Variants in M1AP observed in about 807,000 individuals in gnomAD.
M1AP encodes the protein meiosis 1 associated protein, also known as meiosis 1 arrest protein.
Under a neutral mutation model 51.2 loss-of-function variants are expected in M1AP, and 39 were observed. That is an observed-to-expected ratio of 0.76 (90% CI 0.59 to 1.00). M1AP has a LOEUF of 1.00. M1AP is among the 50% of genes least tolerant of loss of function. The pLI, the probability that M1AP is intolerant of heterozygous loss-of-function variation, is 0.00. For missense variants in M1AP, 545 were observed against 641.2 expected (o/e 0.85, Z 1.62); for synonymous variants, 251 against 249.2 (o/e 1.01, Z -0.07).
intron 7 of M1AP, among the ~76,000 whole-genome samples, chr2:74,572,694 T>A (rs750082549): frequency 2.0e-5 from 3 of 152,212 alleles, no homozygotes; most frequent in Non-Finnish European, 4.4e-5. Context: ...GCCTCCTCCA[T>A]CTGCAAAAGT....
chr2:74,639,973 T>G (rs1316891969), intron 2 of M1AP, 63 bp downstream of exon 2: 3 of 1,407,964 alleles, frequency 2.1e-6, no homozygotes, highest in Non-Finnish European at 3.0e-6. Context: ...GTGATCTCTA[T>G]TCCAGAAACC....
intron 4 of M1AP, among the ~76,000 whole-genome samples, chr2:74,595,935 GTA>G (rs1680307297): frequency 6.6e-6 from 1 of 151,998 alleles, no homozygotes; most frequent in Non-Finnish European, 1.5e-5. Context: ...AAAAAGTTAG[GTA>G]TATATACTGT....
rs1005041244 is a variant in M1AP, at chr2:74,627,938, G to C, written c.240+12098C>G. Among the ~76,000 whole-genome samples, 4 of 152,020 alleles carry C rather than the reference G, an allele frequency of 2.6e-5. No homozygotes were observed. In the South Asian group the frequency reaches 8.3e-4, roughly 32 times the overall value. ...TACAGAAATAATATATAAACACATA[G>C]AGCTTTGAGATAAACTAAGAACATC... On this transcript the variant is annotated intron_variant, in intron 2 of 10. Coordinates refer to ENST00000421985, the MANE Select transcript of M1AP (RefSeq NM_001321739.2).
chr2:74,620,628 T>G (rs1681950379), intron 2 of M1AP: 1 of 206,808 alleles, frequency 4.8e-6, no homozygotes. Flanking sequence ...TAGTGCAGTT[T>G]GCCCAGACCA....
intron 5 of M1AP, among the ~76,000 whole-genome samples, chr2:74,578,365 G>A (rs553807578): frequency 2.6e-4 from 40 of 152,246 alleles, no homozygotes; most frequent in Middle Eastern, 3.4e-3. Context: ...CCATTAACTC[G>A]TCATTTACAT....
intron 3 of M1AP, among the ~76,000 whole-genome samples, chr2:74,609,645 A>C (rs1432105166): frequency 6.6e-6 from 1 of 152,256 alleles, no homozygotes; most frequent in Non-Finnish European, 1.5e-5. Flanking sequence ...ATTGTTCTCC[A>C]TAGTGGCTGT....
chr2:74,610,616 T>C (rs1681279226), intron 3 of M1AP, among the ~76,000 whole-genome samples: 1 of 152,082 alleles, frequency 6.6e-6, no homozygotes, highest in Non-Finnish European at 1.5e-5. Context: ...TCTCAGCTAG[T>C]TTTTCCAAAA....
Position 74,558,560 on chromosome 2 carries a change from A to G in M1AP, c.*156T>C. On this transcript the variant is annotated 3_prime_UTR_variant, in exon 11 of 11. Transcript: ENST00000421985. ...CGCTTCCAGACTTGAGGAGTGGGACAGCACTGAAACAGGACAGGAAGGCTG... is the reference window on the plus strand; with the variant it reads ...CGCTTCCAGACTTGAGGAGTGGGACGGCACTGAAACAGGACAGGAAGGCTG... 2.6e-6 allele frequency: 2 copies of G among 772,476 alleles called. No individual in the cohort carries two copies. Among genetic ancestry groups the G allele is most frequent in the South Asian group, 3.8e-5 (2 of 52,644 alleles). 47.9% of individuals were successfully genotyped at this position (772,476 alleles called of 1,614,324 possible).
chr2:74,562,493 T>C (rs748285504), intron 7 of M1AP, 70 bp from the exon 8 acceptor site: 151 of 1,562,152 alleles, frequency 9.7e-5, no homozygotes, highest in Middle Eastern at 3.4e-4. Context: ...TCAGTCCCAA[T>C]TGAAGTTTCC....
intron 4 of M1AP, among the ~76,000 whole-genome samples, chr2:74,599,369 CT>C (rs929224753): frequency 1.2e-4 from 18 of 148,532 alleles, no homozygotes; most frequent in East Asian, 2.0e-4. Context: ...TTCTCCTATG[CT>C]TTTTTTTTTA....
chr2:74,586,785 A>G (rs1679732273), intron 4 of M1AP, among the ~76,000 whole-genome samples: 1 of 151,920 alleles, frequency 6.6e-6, no homozygotes, highest in South Asian at 2.1e-4. Context: ...CAGATCACCT[A>G]AAGTCGGGAG....
chr2:74,594,809 A>G (rs1216392791), intron 4 of M1AP, among the ~76,000 whole-genome samples: 1 of 152,180 alleles, frequency 6.6e-6, no homozygotes, highest in African/African-American at 2.4e-5. Context: ...CCCAGGAGGT[A>G]GAGAGGCTGC....
At chr2:74,645,104 T>C (rs766849974) in intron 1 of M1AP, among the ~76,000 whole-genome samples, 5 of 152,086 alleles carry the variant, frequency 3.3e-5, no homozygotes, top group Non-Finnish European at 7.4e-5. Flanking sequence ...GGTCTGCAGC[T>C]TCGCTCCTGA....
intron 4 of M1AP, among the ~76,000 whole-genome samples, chr2:74,593,405 G>C (rs1478251485): frequency 2.0e-5 from 3 of 152,140 alleles, no homozygotes; most frequent in Non-Finnish European, 4.4e-5. Context: ...TTTTGAGACA[G>C]AGTCTCATTC....
chr2:74,609,985 T>C (rs1006608676), intron 3 of M1AP, among the ~76,000 whole-genome samples: 5 of 151,972 alleles, frequency 3.3e-5, no homozygotes, highest in African/African-American at 1.2e-4. Flanking sequence ...TTCCATTCTG[T>C]AGGCTCTTAC....
rs1553417954 is a variant in M1AP, at chr2:74,626,256, A to AG, written c.241-11108dup. 2.2e-3 allele frequency among the ~76,000 whole-genome samples: 306 copies of AG among 136,516 alleles called. 1 individual carries two copies. Among genetic ancestry groups the AG allele is most frequent in the South Asian group, 6.2e-3 (28 of 4,482 alleles). 89.6% of individuals were successfully genotyped at this position (136,516 alleles called of 152,430 possible). A position where few individuals can be genotyped will look rare whatever the true frequency, so the allele number is the denominator to read the frequency against. ...AGTTTAATATGTTAAGCTATATTTC[A>AG]GTTTTTTTTTTTTTTTTTTTTGAGA... is the stretch of plus-strand genomic sequence containing the variant. On this transcript the variant is annotated intron_variant, in intron 2 of 10. Transcript: ENST00000421985.
At chr2:74,647,324 C>T (rs990898969) in intron 1 of M1AP, 8 of 985,238 alleles carry the variant, frequency 8.1e-6, no homozygotes, top group Non-Finnish European at 8.4e-6. Context: ...ATGTTCTGTT[C>T]CGTGCTGAGC....
intron 5 of M1AP, among the ~76,000 whole-genome samples, chr2:74,581,244 GAGA>G (rs1322903822): frequency 6.6e-6 from 1 of 152,158 alleles, no homozygotes; most frequent in African/African-American, 2.4e-5. Context: ...CCTCCCTAGC[GAGA>G]AGATCTTTAT....
At chr2:74,591,238 G>A (rs1680020284) in intron 4 of M1AP, among the ~76,000 whole-genome samples, 1 of 152,108 alleles carries the variant, frequency 6.6e-6, no homozygotes, top group South Asian at 2.1e-4. Flanking sequence ...AAAGATCTAA[G>A]TTGTAAGAAA....
Sources: gnomAD v4.1 joint callset for allele counts (sites outside exome capture counted in the v4.1 genomes callset) on GRCh38, gnomAD v4.1.1 for gene constraint, MANE v1.5 for transcripts, NCBI Gene and HGNC (gene_info 2026-07-23, HGNC 2026-07-21) for gene names.